Variants in CNTN4 observed in about 807,000 individuals in gnomAD.
CNTN4 encodes contactin 4.
Under a neutral mutation model 122.5 loss-of-function variants are expected in CNTN4, and 77 were observed. The ratio of observed to expected loss-of-function variants is 0.63; its 90% CI spans 0.52 to 0.76. The LOEUF (loss-of-function observed/expected upper bound fraction) is 0.76, where lower values mean the gene tolerates loss of function less well. Ranked by LOEUF, CNTN4 falls within the 30% of genes least tolerant of loss-of-function variation. The pLI is 0.00. For synonymous variants in CNTN4, 512 were observed against 447.0 expected, an observed-to-expected ratio of 1.15 and a Z score of -1.83; for missense variants, 1,256 against 1,259.1, an observed-to-expected ratio of 1.00 and a Z score of 0.04.
intron 3 of CNTN4, among the ~76,000 whole-genome samples, chr3:2,473,016 C>G (rs1057239154): frequency 1.3e-5 from 2 of 151,762 alleles, no homozygotes; most frequent in African/African-American, 4.8e-5. Context: ...GGTGGATCAC[C>G]TGAGGTCAGG....
intron 3 of CNTN4, among the ~76,000 whole-genome samples, chr3:2,532,298 G>A (rs1294864402): frequency 6.6e-6 from 1 of 151,740 alleles, no homozygotes; most frequent in East Asian, 1.9e-4. Flanking sequence ...TGTCACCCTG[G>A]GCTGGACTGC....
rs188402366 is a variant in CNTN4, at chr3:2,756,953, C to A, written c.358+11256C>A. Among the ~76,000 whole-genome samples, 48 of 152,206 alleles carry A rather than the reference C, an allele frequency of 3.2e-4. No individual in the cohort carries two copies. In the East Asian group the frequency reaches 9.1e-3, roughly 29 times the overall value. ...ACTTGTTTGCAGTGGTTCCAGGAAA[C>A]AAACAGGCCAACATATGCACAATTC... On this transcript the variant is annotated intron_variant, in intron 6 of 24. Transcript: ENST00000418658.
chr3:2,212,746 G>A (rs2038677234), intron 2 of CNTN4, among the ~76,000 whole-genome samples: 1 of 152,140 alleles, frequency 6.6e-6, no homozygotes, highest in Admixed American at 6.5e-5. Context: ...TATTTGAATT[G>A]ACTGAGGACT....
intron 2 of CNTN4, among the ~76,000 whole-genome samples, chr3:2,130,044 AGTG>A (rs1477617276): frequency 6.6e-6 from 1 of 152,130 alleles, no homozygotes; most frequent in African/African-American, 2.4e-5. Context: ...GTAAATAACT[AGTG>A]GTAAAGTGAT....
intron 6 of CNTN4, among the ~76,000 whole-genome samples, chr3:2,796,339 C>A (rs567635141): frequency 6.6e-6 from 1 of 152,042 alleles, no homozygotes; most frequent in African/African-American, 2.4e-5. Context: ...AGTTGAAGCA[C>A]TCATCAGTAT....
chr3:2,918,349 G>T (rs895150572), intron 12 of CNTN4, among the ~76,000 whole-genome samples: 1 of 152,212 alleles, frequency 6.6e-6, no homozygotes, highest in Admixed American at 6.5e-5. Flanking sequence ...CTCAGTCCTG[G>T]GTCAGCTGTT....
At chr3:2,139,433 T>C (rs1345462248) in intron 2 of CNTN4, among the ~76,000 whole-genome samples, 3 of 152,226 alleles carry the variant, frequency 2.0e-5, no homozygotes, top group Non-Finnish European at 4.4e-5. Flanking sequence ...TGGAATTAGA[T>C]TGGACACTGC....
Position 2,170,332 on chromosome 3 carries a change from C to A in CNTN4, c.-145+69693C>A, listed in dbSNP as rs370852600. ...AAGACTCCGTCTCAAAACAAAAAAA[C>A]AACAACAACAAAAAGAGGAATAATA... On this transcript the variant is annotated intron_variant, in intron 2 of 24. Coordinates refer to ENST00000418658, the MANE Select transcript of CNTN4 (RefSeq NM_175607.3). 1.1e-4 allele frequency among the ~76,000 whole-genome samples: 16 copies of A among 148,302 alleles called. No individual in the cohort carries two copies. The East Asian group carries it at 2.9e-3, about 27-fold the overall frequency.
intron 10 of CNTN4, among the ~76,000 whole-genome samples, chr3:2,896,325 T>A (rs1226332762): frequency 6.6e-6 from 1 of 152,068 alleles, no homozygotes; most frequent in Non-Finnish European, 1.5e-5. Context: ...AGAATTTGAA[T>A]GAATGTAGAA....
intron 3 of CNTN4, among the ~76,000 whole-genome samples, chr3:2,409,078 G>A (rs916360917): frequency 1.3e-5 from 2 of 151,982 alleles, no homozygotes; most frequent in African/African-American, 2.4e-5. Flanking sequence ...AACAATAGCT[G>A]TGTCTCTACA....
intron 13 of CNTN4, among the ~76,000 whole-genome samples, chr3:2,963,234 G>A (rs1170866206): frequency 1.3e-5 from 2 of 151,916 alleles, no homozygotes; most frequent in Admixed American, 6.6e-5. Context: ...TTCTGTTATT[G>A]CCTAGTTAAC....
In CNTN4 at chr3:2,444,731, TTGGCTGGCTGGC is replaced by T. The variant is rs529016308; in HGVS notation, c.-89+105518_-89+105529del. On this transcript the variant is annotated intron_variant, in intron 3 of 24. Transcript: ENST00000418658. ...ACTGCAGCCTAGTACTGAATAAATATTGGCTGGCTGGCTGGCTGGCTGGCTGGCTGGTCAGAC... is the reference window on the plus strand; with the variant it reads ...ACTGCAGCCTAGTACTGAATAAATATTGGCTGGCTGGCTGGCTGGTCAGAC... Among the ~76,000 whole-genome samples, 67 of 151,824 alleles carry T rather than the reference TTGGCTGGCTGGC, an allele frequency of 4.4e-4. No individual in the cohort carries two copies. The South Asian group carries it at 8.5e-3, about 19-fold the overall frequency.
intron 14 of CNTN4, among the ~76,000 whole-genome samples, chr3:3,024,213 A>G (rs1289224488): frequency 6.6e-6 from 1 of 152,126 alleles, no homozygotes; most frequent in African/African-American, 2.4e-5. Context: ...CAACATCTTT[A>G]TCAAATAAAA....
At chr3:3,000,504 G>T (rs911435938) in intron 14 of CNTN4, among the ~76,000 whole-genome samples, 1 of 152,176 alleles carries the variant, frequency 6.6e-6, no homozygotes, top group African/African-American at 2.4e-5. Context: ...TGGAGCAGAG[G>T]ATATTACTTA....
intron 2 of CNTN4, among the ~76,000 whole-genome samples, chr3:2,268,799 C>G (rs1467993516): frequency 6.6e-6 from 1 of 152,126 alleles, no homozygotes; most frequent in East Asian, 1.9e-4. Context: ...AGCATTATGT[C>G]TGAAGTTAAA....
At chr3:2,655,198 G>C (rs2083532571) in intron 4 of CNTN4, among the ~76,000 whole-genome samples, 1 of 152,056 alleles carries the variant, frequency 6.6e-6, no homozygotes, top group Non-Finnish European at 1.5e-5. Flanking sequence ...TCTTAATAAG[G>C]AGCCTATGTT....
At chr3:2,255,635 C>G (rs1020380242) in intron 2 of CNTN4, among the ~76,000 whole-genome samples, 2 of 152,162 alleles carry the variant, frequency 1.3e-5, no homozygotes, top group African/African-American at 2.4e-5. Flanking sequence ...TTAAGAAACT[C>G]ACTCAAAACC....
In CNTN4 at chr3:2,588,415, G is replaced by A. The variant is rs1267424160; in HGVS notation, c.55+16857G>A. Among the ~76,000 whole-genome samples the A allele has an allele frequency of 8.5e-5, 13 of 152,236 alleles. No individual in the cohort carries two copies. The East Asian group carries it at 1.2e-3, about 14-fold the overall frequency. On this transcript the variant is annotated intron_variant, in intron 4 of 24. Coordinates refer to ENST00000418658, the MANE Select transcript of CNTN4 (RefSeq NM_175607.3). ...AGAGCCTCGCACTATTGTCTGGGCT[G>A]GAGTGCAGTGGTGTGATCTCGGCTC...
intron 2 of CNTN4, among the ~76,000 whole-genome samples, chr3:2,295,684 A>G (rs1340540888): frequency 1.3e-5 from 2 of 152,180 alleles, no homozygotes; most frequent in Non-Finnish European, 2.9e-5. Context: ...TAGTTTAATT[A>G]GATCCCATTT....
Sources: allele counts gnomAD v4.1 joint callset (sites outside exome capture counted in the v4.1 genomes callset), GRCh38; gene constraint gnomAD v4.1.1; transcripts MANE v1.5; gene names NCBI Gene and HGNC (gene_info 2026-07-23, HGNC 2026-07-21).